Variants in KCND3 observed in about 807,000 individuals in gnomAD.
KCND3 encodes the protein A-type voltage-gated potassium channel KCND3.
KCND3 carries 9 observed loss-of-function variants against 51.1 expected under a neutral mutation model. The observed-to-expected ratio is 0.18, with a 90% CI of 0.11 to 0.31. The LOEUF is 0.31. Ranked by LOEUF, KCND3 falls within the 10% of genes least tolerant of loss-of-function variation. The pLI, the probability that KCND3 is intolerant of heterozygous loss-of-function variation, is 1.00. For synonymous variants in KCND3, 349 were observed against 368.0 expected, an observed-to-expected ratio of 0.95 and a Z score of 0.59; for missense variants, 526 against 903.8, an observed-to-expected ratio of 0.58 and a Z score of 5.36.
In KCND3 at chr1:111,775,818, G is replaced by GGCCCCCCCCCCCCCC; in HGVS notation, c.*258_*259insGGGGGGGGGGGGGGC. ...AGCCTATATCCCCCGGCCTATCCCCGACCCCCCCACCCTCCCTCCCTTCCT... is the reference window on the plus strand; with the variant it reads ...AGCCTATATCCCCCGGCCTATCCCCGGCCCCCCCCCCCCCCACCCCCCCACCCTCCCTCCCTTCCT... On this transcript the variant is annotated 3_prime_UTR_variant, in exon 8 of 8. Transcript: ENST00000302127. The GGCCCCCCCCCCCCCC allele has an allele frequency of 5.0e-5, 5 of 99,730 alleles. No individual in the cohort carries two copies. Among genetic ancestry groups the GGCCCCCCCCCCCCCC allele is most frequent in the Admixed American group, 1.5e-4 (1 of 6,794 alleles). 6.2% of individuals were successfully genotyped at this position (99,730 alleles called of 1,614,324 possible). A position where few individuals can be genotyped will look rare whatever the true frequency, so the allele number is the denominator to read the frequency against.
intron 2 of KCND3, among the ~76,000 whole-genome samples, chr1:111,816,678 A>C (rs993333780): frequency 1.3e-5 from 2 of 152,254 alleles, no homozygotes; most frequent in Admixed American, 1.3e-4. Context: ...TATTATTGCC[A>C]ACTGTTTTAC....
chr1:111,893,041 T>A (rs1418726390), intron 2 of KCND3, among the ~76,000 whole-genome samples: 1 of 152,222 alleles, frequency 6.6e-6, no homozygotes. Flanking sequence ...AGGCTCTGTG[T>A]CAACAGATGC....
chr1:111,985,437 T>C (rs1014423161), intron 1 of KCND3, among the ~76,000 whole-genome samples: 1 of 152,214 alleles, frequency 6.6e-6, no homozygotes, highest in African/African-American at 2.4e-5. Context: ...ACTTCCCAAC[T>C]TTCCCTATCC....
intron 2 of KCND3, among the ~76,000 whole-genome samples, chr1:111,929,127 A>T (rs1671841892): frequency 6.6e-6 from 1 of 152,078 alleles, no homozygotes; most frequent in African/African-American, 2.4e-5. Flanking sequence ...GGAACTGAGA[A>T]CCCTAAGGAG....
intron 2 of KCND3, chr1:111,856,669 C>A (rs2101679087): frequency 6.6e-6 from 1 of 152,448 alleles, no homozygotes; most frequent in South Asian, 2.1e-4. Flanking sequence ...TGCTGGCTAG[C>A]ACTGGCCTGT....
intron 2 of KCND3, among the ~76,000 whole-genome samples, chr1:111,932,035 G>A (rs1016594848): frequency 6.6e-6 from 1 of 152,188 alleles, no homozygotes; most frequent in Admixed American, 6.5e-5. Flanking sequence ...TTGGCTTGTG[G>A]CCCCTCTCCT....
intron 2 of KCND3, among the ~76,000 whole-genome samples, chr1:111,816,993 A>G (rs1158124957): frequency 6.6e-6 from 1 of 152,198 alleles, no homozygotes; most frequent in African/African-American, 2.4e-5. Flanking sequence ...GCACACATCA[A>G]TGTTTTTAAA....
At chr1:111,860,234 T>G (rs867401569) in intron 2 of KCND3, among the ~76,000 whole-genome samples, 1 of 152,192 alleles carries the variant, frequency 6.6e-6, no homozygotes, top group Non-Finnish European at 1.5e-5. Flanking sequence ...ACAAAACCCC[T>G]AAGAAGTAGC....
At chr1:111,928,092 A>T (rs1671796817) in intron 2 of KCND3, among the ~76,000 whole-genome samples, 1 of 147,928 alleles carries the variant, frequency 6.8e-6, no homozygotes, top group Admixed American at 6.7e-5. Context: ...TGACTTTTTA[A>T]TTTTTTTTTT....
chr1:111,970,882 G>A (rs1674291762), intron 2 of KCND3, among the ~76,000 whole-genome samples: 1 of 152,180 alleles, frequency 6.6e-6, no homozygotes, highest in Non-Finnish European at 1.5e-5. Context: ...CATGTTTGCT[G>A]AATTAGTGAA....
Position 111,780,216 on chromosome 1 carries a change from G to T in KCND3, c.1461+9C>A. 1 of 1,577,142 alleles carries T rather than the reference G, an allele frequency of 6.3e-7. No individual in the cohort carries two copies. On this transcript the variant is annotated intron_variant, in intron 5 of 7. Coordinates refer to ENST00000302127, the MANE Select transcript of KCND3 (RefSeq NM_001378969.1). This position sits in a 1 kb window ranked among gnomAD's most constrained non-coding sequence, Gnocchi z 4.2. Reference sequence around the variant, plus strand: ...GATGAAAAGGAGGTGGCAAAGGGCTGGGACTCACAGTGGTTTTTTCCAGGC... The same window carrying T: ...GATGAAAAGGAGGTGGCAAAGGGCTTGGACTCACAGTGGTTTTTTCCAGGC...
intron 2 of KCND3, among the ~76,000 whole-genome samples, chr1:111,828,309 T>C (rs1433471463): frequency 6.6e-6 from 1 of 152,224 alleles, no homozygotes; most frequent in Non-Finnish European, 1.5e-5. Flanking sequence ...TAACCTTTAC[T>C]TCCGTCTACC....
At chr1:111,855,891 G>A (rs927883003) in intron 2 of KCND3, among the ~76,000 whole-genome samples, 4 of 152,222 alleles carry the variant, frequency 2.6e-5, no homozygotes, top group Admixed American at 6.5e-5. Context: ...CCAAAGCCTA[G>A]GAGAAGAGAA....
At chr1:111,846,772 C>T (rs1667570538) in intron 2 of KCND3, among the ~76,000 whole-genome samples, 1 of 152,202 alleles carries the variant, frequency 6.6e-6, no homozygotes, top group South Asian at 2.1e-4. Context: ...TACTGTTTGT[C>T]ACAACAGTTT....
chr1:111,805,006 G>A (rs1440933991), intron 2 of KCND3, among the ~76,000 whole-genome samples: 1 of 152,190 alleles, frequency 6.6e-6, no homozygotes, highest in East Asian at 1.9e-4. Context: ...CTGACAGCAC[G>A]GGTGAAGCAC....
chr1:111,787,571 G>C (rs866126978), intron 2 of KCND3, among the ~76,000 whole-genome samples: 1 of 152,176 alleles, frequency 6.6e-6, no homozygotes, highest in Non-Finnish European at 1.5e-5. Context: ...TCTAGGAATT[G>C]TCAAAGGGTC....
chr1:111,881,525 G>C (rs918104472), intron 2 of KCND3, among the ~76,000 whole-genome samples: 1 of 152,184 alleles, frequency 6.6e-6, no homozygotes, highest in Non-Finnish European at 1.5e-5. Flanking sequence ...AACCCCTGTT[G>C]CTTCTGGCTA....
intron 2 of KCND3, among the ~76,000 whole-genome samples, chr1:111,898,994 A>G (rs556465153): frequency 3.0e-4 from 45 of 152,296 alleles, no homozygotes; most frequent in African/African-American, 9.6e-4. Flanking sequence ...TAGTGCCAGG[A>G]ACAGGGTGGC....
intron 2 of KCND3, among the ~76,000 whole-genome samples, chr1:111,820,768 T>G (rs1231545825): frequency 3.3e-5 from 5 of 152,148 alleles, no homozygotes; most frequent in Non-Finnish European, 5.9e-5. Context: ...TGAATGAGGG[T>G]TGGCCCTAAC....
Sources: allele counts gnomAD v4.1 joint callset (sites outside exome capture counted in the v4.1 genomes callset), GRCh38; gene constraint gnomAD v4.1.1; non-coding constraint Gnocchi (gnomAD v3.1); transcripts MANE v1.5; gene names NCBI Gene and HGNC (gene_info 2026-07-23, HGNC 2026-07-21).